RBKS: variants seen among roughly 807,000 people sequenced by gnomAD.
The protein encoded by RBKS is ribokinase.
In RBKS, 33 loss-of-function variants were observed where a neutral mutation model predicts 33.9. The observed-to-expected ratio is 0.97, with a 90% CI of 0.74 to 1.30. RBKS has a LOEUF of 1.30. Among genes scored for constraint, RBKS ranks in the 50% most tolerant of loss-of-function variants. The pLI is 0.00. For missense variants in RBKS, 361 were observed against 392.6 expected (o/e 0.92, Z 0.68); for synonymous variants, 125 against 143.0 (o/e 0.87, Z 0.90).
At chr2:27,829,573 T>C (rs1320923269) in intron 6 of RBKS, among the ~76,000 whole-genome samples, 1 of 152,040 alleles carries the variant, frequency 6.6e-6, no homozygotes, top group Non-Finnish European at 1.5e-5. Flanking sequence ...TTCACCATGT[T>C]GACCAGGATG....
intron 1 of RBKS, among the ~76,000 whole-genome samples, chr2:27,876,681 T>C (rs1291113084): frequency 6.6e-6 from 1 of 152,152 alleles, no homozygotes; most frequent in Non-Finnish European, 1.5e-5. Context: ...TAGGGAGTTA[T>C]TGTTTAATAA....
At chr2:27,858,356 T>C (rs1663901038) in intron 2 of RBKS, 83 bp downstream of exon 2, 36 of 1,428,226 alleles carry the variant, frequency 2.5e-5, no homozygotes, top group Non-Finnish European at 3.1e-5. Context: ...TCTAAAATGG[T>C]TGAAAAAATT....
chr2:27,825,440 C>T (rs1307192602), intron 7 of RBKS, among the ~76,000 whole-genome samples: 1 of 152,170 alleles, frequency 6.6e-6, no homozygotes, highest in Non-Finnish European at 1.5e-5. Flanking sequence ...AAACATTTTC[C>T]TCAGTTTCCT....
At chr2:27,805,984 TG>T (rs372543516) in intron 7 of RBKS, among the ~76,000 whole-genome samples, 259 of 152,168 alleles carry the variant, frequency 1.7e-3, no homozygotes, top group African/African-American at 6.0e-3. Context: ...CTCAACCTCC[TG>T]GGCTCAAGTG....
intron 7 of RBKS, among the ~76,000 whole-genome samples, chr2:27,806,560 G>A (rs562162649): frequency 8.9e-4 from 136 of 152,208 alleles, no homozygotes; most frequent in Non-Finnish European, 1.7e-3. Flanking sequence ...CCAAGTGTAA[G>A]AACTTGCTCA....
intron 7 of RBKS, among the ~76,000 whole-genome samples, chr2:27,793,475 G>A (rs1196138338): frequency 6.6e-6 from 1 of 152,152 alleles, no homozygotes; most frequent in Non-Finnish European, 1.5e-5. Context: ...CCTGATGTGG[G>A]GCCTGGAGAA....
chr2:27,843,039 A>G, intron 5 of RBKS, 28 bp downstream of exon 5: 10 of 1,515,024 alleles, frequency 6.6e-6, no homozygotes, highest in Non-Finnish European at 8.0e-6. Context: ...AAGCTTTTAT[A>G]GAAAGAATGA....
At chr2:27,813,780 A>G (rs1678037722) in intron 7 of RBKS, among the ~76,000 whole-genome samples, 1 of 152,212 alleles carries the variant, frequency 6.6e-6, no homozygotes, top group Non-Finnish European at 1.5e-5. Flanking sequence ...TTCAGAATTG[A>G]TGAAAAACAT....
At chr2:27,827,145 C>G (rs1278945445) in intron 7 of RBKS, among the ~76,000 whole-genome samples, 4 of 152,208 alleles carry the variant, frequency 2.6e-5, no homozygotes, top group African/African-American at 4.8e-5. Context: ...TTGTAAGACA[C>G]AGCTACTTGT....
chr2:27,855,772 AAT>A (rs1663846749), intron 2 of RBKS, among the ~76,000 whole-genome samples: 1 of 152,216 alleles, frequency 6.6e-6, no homozygotes, highest in South Asian at 2.1e-4. Flanking sequence ...TCTTTGTCAC[AAT>A]ATCTTAACAA....
chr2:27,817,087 C>T (rs1678109268), intron 7 of RBKS, among the ~76,000 whole-genome samples: 1 of 152,188 alleles, frequency 6.6e-6, no homozygotes. Context: ...CGACTCTTAA[C>T]ACTCAAACTA....
Position 27,857,621 on chromosome 2 carries a change from C to T in RBKS, c.222+818G>A, listed in dbSNP as rs549397636. Among the ~76,000 whole-genome samples the T allele has an allele frequency of 6.0e-4, 92 of 152,240 alleles. 1 individual carries two copies. Among genetic ancestry groups the T allele is most frequent in the Non-Finnish European group, 9.1e-4 (62 of 68,008 alleles). Reference sequence around the variant, plus strand: ...GAAGTTTCCAAAAGCTGTGTTGCTGCGGTGAAACCTGCTAAAAACAAGGTG... The same window carrying T: ...GAAGTTTCCAAAAGCTGTGTTGCTGTGGTGAAACCTGCTAAAAACAAGGTG... On this transcript the variant is annotated intron_variant, in intron 2 of 7. Transcript: ENST00000302188.
In RBKS at chr2:27,890,156, C is replaced by CT; in HGVS notation, c.89+100dup. On this transcript the variant is annotated intron_variant, in intron 1 of 7. Coordinates refer to ENST00000302188, the MANE Select transcript of RBKS (RefSeq NM_022128.3). The surrounding 1 kb of genome is among the most constrained non-coding windows in gnomAD (Gnocchi z 4.8). ...AGCTCATACCCAAAGCTAGCACTGTCTATCCCTGGAGACCCAGCGCCCAAA... is the reference window on the plus strand; with the variant it reads ...AGCTCATACCCAAAGCTAGCACTGTCTTATCCCTGGAGACCCAGCGCCCAAA... 1 of 1,077,334 alleles carries CT rather than the reference C, an allele frequency of 9.3e-7. No individual in the cohort carries two copies. Among genetic ancestry groups the CT allele is most frequent in the Non-Finnish European group, 1.4e-6 (1 of 722,670 alleles). The allele number at this position is 1,077,334 out of a possible 1,614,324, so 66.7% of individuals were successfully genotyped here. A position where few individuals can be genotyped will look rare whatever the true frequency, so the allele number is the denominator to read the frequency against.
intron 1 of RBKS, among the ~76,000 whole-genome samples, chr2:27,863,076 CAGTATT>C (rs1158524502): frequency 1.3e-5 from 2 of 150,744 alleles, no homozygotes; most frequent in African/African-American, 2.4e-5. Flanking sequence ...GAAAAGGAAA[CAGTATT>C]AGTAGAAATA....
At chr2:27,818,598 TCAAA>T (rs1324573557) in intron 7 of RBKS, among the ~76,000 whole-genome samples, 3 of 152,158 alleles carry the variant, frequency 2.0e-5, no homozygotes, top group Admixed American at 6.5e-5. Flanking sequence ...GCCTCCTCCC[TCAAA>T]CAGTCAAAAA....
chr2:27,825,702 A>C (rs1047619758), intron 7 of RBKS, among the ~76,000 whole-genome samples: 1 of 152,196 alleles, frequency 6.6e-6, no homozygotes, highest in African/African-American at 2.4e-5. Flanking sequence ...CCAGTGAGCA[A>C]GTGACCTGAC....
intron 7 of RBKS, among the ~76,000 whole-genome samples, chr2:27,806,753 A>G (rs147726793): frequency 8.7e-4 from 133 of 152,336 alleles, no homozygotes; most frequent in African/African-American, 3.1e-3. Flanking sequence ...GGCACATTTC[A>G]TCTCAGTCAG....
intron 1 of RBKS, among the ~76,000 whole-genome samples, chr2:27,872,124 T>C (rs900368968): frequency 7.9e-5 from 12 of 152,194 alleles, no homozygotes; most frequent in Admixed American, 5.2e-4. Flanking sequence ...GCCACTCACC[T>C]CCTGCTTTGC....
chr2:27,804,314 AT>A (rs1362744177), intron 7 of RBKS, among the ~76,000 whole-genome samples: 2 of 152,152 alleles, frequency 1.3e-5, no homozygotes, highest in Admixed American at 6.6e-5. Flanking sequence ...CCACAATCTA[AT>A]TTTAGAAATC....
Sources: gnomAD v4.1 joint callset for allele counts (sites outside exome capture counted in the v4.1 genomes callset) on GRCh38, gnomAD v4.1.1 for gene constraint, Gnocchi (gnomAD v3.1) non-coding constraint, MANE v1.5 for transcripts, NCBI Gene and HGNC (gene_info 2026-07-23, HGNC 2026-07-21) for gene names.